Variants in CACNA1E observed in about 807,000 individuals in gnomAD.
CACNA1E encodes calcium voltage-gated channel subunit alpha1 E.
Under a neutral mutation model 259.2 loss-of-function variants are expected in CACNA1E, and 40 were observed. The ratio of observed to expected loss-of-function variants is 0.15; its 90% CI spans 0.12 to 0.20. The LOEUF (loss-of-function observed/expected upper bound fraction) is 0.20. CACNA1E is among the 10% of genes least tolerant of loss of function. The pLI is 1.00. For synonymous variants in CACNA1E, 1,104 were observed against 1,138.5 expected (o/e 0.97, Z 0.61); for missense variants, 1,874 against 3,040.1 (o/e 0.62, Z 9.02).
chr1:181,786,311 G>C (rs1319144354), intron 43 of CACNA1E, among the ~76,000 whole-genome samples: 1 of 152,098 alleles, frequency 6.6e-6, no homozygotes. Context: ...CACTCTAGCA[G>C]CCTACTATAC....
Position 181,545,579 on chromosome 1 carries a change from T to C in CACNA1E, c.513-32187T>C, listed in dbSNP as rs531658870. On this transcript the variant is annotated intron_variant, in intron 3 of 47. Coordinates refer to ENST00000367573, the MANE Select transcript of CACNA1E (RefSeq NM_001205293.3). ...TGACTACTCCTGGCTCCACACAGGCTGTCCCTTAGGGCAGGGGGCAGGAGC... is the reference window on the plus strand; with the variant it reads ...TGACTACTCCTGGCTCCACACAGGCCGTCCCTTAGGGCAGGGGGCAGGAGC... 9.9e-5 allele frequency among the ~76,000 whole-genome samples: 15 copies of C among 152,252 alleles called. 1 individual carries two copies. The South Asian group carries it at 3.1e-3, about 32-fold the overall frequency.
At chr1:181,744,657 G>T (rs1656889541) in intron 25 of CACNA1E, among the ~76,000 whole-genome samples, 1 of 152,124 alleles carries the variant, frequency 6.6e-6, no homozygotes, top group Non-Finnish European at 1.5e-5. Flanking sequence ...TTGCCTATGG[G>T]TCTTCTTTCT....
chr1:181,471,071 T>C (rs1662474803), intron 2 of CACNA1E, among the ~76,000 whole-genome samples: 1 of 152,178 alleles, frequency 6.6e-6, no homozygotes, highest in Non-Finnish European at 1.5e-5. Context: ...TGCTGCTTCC[T>C]CCAGAGTAGC....
chr1:181,522,517 C>A (rs1431014646), intron 3 of CACNA1E, among the ~76,000 whole-genome samples: 1 of 152,168 alleles, frequency 6.6e-6, no homozygotes. Context: ...AACCCACATG[C>A]TTGTTTATGG....
rs543541430 is a variant in CACNA1E, at chr1:181,602,111, A to T, written c.951+21335A>T. Among the ~76,000 whole-genome samples the T allele has an allele frequency of 4.6e-5, 7 of 151,846 alleles. No homozygotes were observed. The East Asian group carries it at 1.2e-3, about 25-fold the overall frequency. ...CCTCCTCCTTCCCAGTACTCTCTTAACTCCCTTTCAGATGTATTTCTCTCC... is the reference window on the plus strand; with the variant it reads ...CCTCCTCCTTCCCAGTACTCTCTTATCTCCCTTTCAGATGTATTTCTCTCC... On this transcript the variant is annotated intron_variant, in intron 6 of 47. Coordinates refer to ENST00000367573, the MANE Select transcript of CACNA1E (RefSeq NM_001205293.3).
chr1:181,787,624 C>T (rs944007837), intron 43 of CACNA1E, among the ~76,000 whole-genome samples: 13 of 152,140 alleles, frequency 8.5e-5, no homozygotes, highest in East Asian at 1.9e-4. Context: ...GCAAAGAACA[C>T]GTCCCCATGG....
intron 7 of CACNA1E, among the ~76,000 whole-genome samples, chr1:181,704,820 G>A (rs964032091): frequency 6.6e-6 from 1 of 152,108 alleles, no homozygotes; most frequent in Non-Finnish European, 1.5e-5. Context: ...GGTCTGGAGC[G>A]AGAGGCTAAA....
intron 6 of CACNA1E, among the ~76,000 whole-genome samples, chr1:181,638,824 C>T (rs775632061): frequency 6.6e-6 from 1 of 152,178 alleles, no homozygotes; most frequent in Non-Finnish European, 1.5e-5. Context: ...TCTCCATCCT[C>T]CCTCCTTGTG....
At chr1:181,709,414 A>G (rs1054449267) in intron 7 of CACNA1E, among the ~76,000 whole-genome samples, 11 of 152,216 alleles carry the variant, frequency 7.2e-5, no homozygotes, top group Middle Eastern at 3.2e-3. Context: ...GATTGTAAGC[A>G]GGTGGCTGTA....
At chr1:181,782,044 A>G (rs1660475536) in intron 39 of CACNA1E, among the ~76,000 whole-genome samples, 1 of 152,228 alleles carries the variant, frequency 6.6e-6, no homozygotes, top group Non-Finnish European at 1.5e-5. Flanking sequence ...AAATGTTTTC[A>G]CCCATGACAT....
At chr1:181,426,399 TCTCAGCCACTTCACAA>T (rs1335705144) in intron 2 of CACNA1E, among the ~76,000 whole-genome samples, 5 of 54,110 alleles carry the variant, frequency 9.2e-5, no homozygotes, top group East Asian at 2.7e-4. Context: ...CCGCTTCCCA[TCTCAGCCACTTCACAA>T]CTCAACCCCT....
At chr1:181,325,540 A>G (rs1480156777) in intron 1 of CACNA1E, among the ~76,000 whole-genome samples, 2 of 152,226 alleles carry the variant, frequency 1.3e-5, no homozygotes, top group African/African-American at 4.8e-5. Flanking sequence ...GGGCGGGGCC[A>G]AGCCCTCCAG....
At chr1:181,388,465 G>A (rs1656015355) in intron 1 of CACNA1E, among the ~76,000 whole-genome samples, 1 of 152,150 alleles carries the variant, frequency 6.6e-6, no homozygotes, top group African/African-American at 2.4e-5. Context: ...ATATGGTATA[G>A]CCTATCGCTC....
At chr1:181,406,699 A>G (rs553090416) in intron 1 of CACNA1E, among the ~76,000 whole-genome samples, 1 of 152,126 alleles carries the variant, frequency 6.6e-6, no homozygotes, top group Non-Finnish European at 1.5e-5. Flanking sequence ...TAATCTGTAA[A>G]ATGATGTATG....
intron 3 of CACNA1E, among the ~76,000 whole-genome samples, chr1:181,541,698 A>G (rs978665323): frequency 6.6e-6 from 1 of 152,208 alleles, no homozygotes; most frequent in African/African-American, 2.4e-5. Context: ...TGACCTGCAA[A>G]GACTCGTCTT....
In CACNA1E at chr1:181,656,177, A is replaced by T. The variant is rs186650281; in HGVS notation, c.1055+4736A>T. 5.1e-3 allele frequency among the ~76,000 whole-genome samples: 776 copies of T among 152,290 alleles called. 2 individuals carry two copies. Among genetic ancestry groups the T allele is most frequent in the Non-Finnish European group, 7.0e-3 (479 of 68,028 alleles). The stretch of plus-strand genomic sequence containing the variant: ...TTACAATTTATTCCTACTTATTTTT[A>T]AAAAAGTTATCTGTAAAACAGTCTG... On this transcript the variant is annotated intron_variant, in intron 7 of 47. Transcript: ENST00000367573.
At chr1:181,796,975 T>C in intron 47 of CACNA1E, 117 bp downstream of exon 47, 3 of 686,098 alleles carry the variant, frequency 4.4e-6, no homozygotes, top group South Asian at 4.1e-5. Context: ...AAGACTGGAA[T>C]TTCACAGGAA....
At chr1:181,465,827 C>G (rs2102393016) in intron 2 of CACNA1E, among the ~76,000 whole-genome samples, 1 of 152,154 alleles carries the variant, frequency 6.6e-6, no homozygotes, top group East Asian at 1.9e-4. Flanking sequence ...TCCTTGTGTG[C>G]TTCAAAAATT....
intron 2 of CACNA1E, among the ~76,000 whole-genome samples, chr1:181,453,229 G>C (rs1661268096): frequency 6.6e-6 from 1 of 152,146 alleles, no homozygotes; most frequent in Non-Finnish European, 1.5e-5. Flanking sequence ...AAGGGCCCAG[G>C]GGCAAAGGAA....
Sources: allele counts gnomAD v4.1 joint callset (sites outside exome capture counted in the v4.1 genomes callset), GRCh38; gene constraint gnomAD v4.1.1; transcripts MANE v1.5; gene names NCBI Gene and HGNC (gene_info 2026-07-23, HGNC 2026-07-21).